SEC22A: variants seen among roughly 807,000 people sequenced by gnomAD.
SEC22A encodes vesicle-trafficking protein SEC22a.
In SEC22A, 22 loss-of-function variants were observed where a neutral mutation model predicts 35.3. That is an observed-to-expected ratio of 0.62 (90% confidence interval 0.45 to 0.89). The LOEUF is 0.89. SEC22A is among the 40% of genes least tolerant of loss of function. The pLI is 0.00. For synonymous variants in SEC22A, 119 were observed against 129.5 expected, an observed-to-expected ratio of 0.92 and a Z score of 0.55; for missense variants, 354 against 362.5, an observed-to-expected ratio of 0.98 and a Z score of 0.19.
intron 6 of SEC22A, among the ~76,000 whole-genome samples, chr3:123,267,905 T>C (rs1938061998): frequency 6.6e-6 from 1 of 152,250 alleles, no homozygotes; most frequent in Non-Finnish European, 1.5e-5. Context: ...TTCTGGCCTC[T>C]GTGGTTTCTG....
chr3:123,205,277 C>T (rs1360572922), intron 1 of SEC22A, among the ~76,000 whole-genome samples: 2 of 152,086 alleles, frequency 1.3e-5, no homozygotes, highest in Non-Finnish European at 2.9e-5. Flanking sequence ...TAATTTTTTC[C>T]CTAAGAAAAA....
At position 123,273,849 on chromosome 3, in the gene SEC22A, T is replaced by C. The variant is rs1938231520; in HGVS notation, c.*2127T>C. The C allele has an allele frequency of 7.3e-6, 1 of 136,986 alleles. No homozygotes were observed. The allele number at this position is 136,986 out of a possible 1,614,324, so 8.5% of individuals were successfully genotyped here. A position where few individuals can be genotyped will look rare whatever the true frequency, so the allele number is the denominator to read the frequency against. Reference sequence around the variant, plus strand: ...TCTAAACTAATGGTTAAAACAGAATTTTCTTGTAAATAGGGAAGTTGGAGC... The same window carrying C: ...TCTAAACTAATGGTTAAAACAGAATCTTCTTGTAAATAGGGAAGTTGGAGC... On this transcript the variant is annotated 3_prime_UTR_variant, in exon 7 of 7. Coordinates refer to ENST00000492595, the MANE Select transcript of SEC22A (RefSeq NM_012430.5).
chr3:123,262,851 T>C (rs1210454474), intron 6 of SEC22A, among the ~76,000 whole-genome samples: 2 of 152,228 alleles, frequency 1.3e-5, no homozygotes, highest in South Asian at 4.1e-4. Context: ...GTTTTTCTAA[T>C]TAAACTTTTT....
intron 2 of SEC22A, among the ~76,000 whole-genome samples, chr3:123,213,781 A>G (rs1052396471): frequency 3.9e-5 from 6 of 152,318 alleles, no homozygotes; most frequent in South Asian, 4.1e-4. Context: ...ATCACTAAGT[A>G]TATAATTATG....
At chr3:123,253,038 C>A (rs557260809) in intron 5 of SEC22A, among the ~76,000 whole-genome samples, 1 of 152,196 alleles carries the variant, frequency 6.6e-6, no homozygotes, top group Admixed American at 6.5e-5. Context: ...CTTTAAGGCT[C>A]AACCTTGAAA....
intron 6 of SEC22A, among the ~76,000 whole-genome samples, chr3:123,259,914 CTT>C (rs1450960108): frequency 6.6e-6 from 1 of 151,924 alleles, no homozygotes; most frequent in African/African-American, 2.4e-5. Context: ...GGGCAGATCA[CTT>C]GAGGTCAGGA....
chr3:123,204,549 C>T (rs1447642584), intron 1 of SEC22A, among the ~76,000 whole-genome samples: 1 of 152,150 alleles, frequency 6.6e-6, no homozygotes, highest in Non-Finnish European at 1.5e-5. Context: ...GTAGTCATTA[C>T]CCCTACAAGG....
intron 6 of SEC22A, among the ~76,000 whole-genome samples, chr3:123,267,579 T>G (rs1026726140): frequency 1.3e-5 from 2 of 152,158 alleles, no homozygotes; most frequent in African/African-American, 4.8e-5. Context: ...GATTTTTTTT[T>G]AACCATCAAA....
In SEC22A at chr3:123,245,861, A is replaced by T. The variant is rs369467599; in HGVS notation, c.542-38A>T. 53 of 1,111,302 alleles carry T rather than the reference A, an allele frequency of 4.8e-5. No individual in the cohort carries two copies. The African/African-American group carries it at 8.0e-4, about 17-fold the overall frequency. 68.8% of individuals were successfully genotyped at this position (1,111,302 alleles called of 1,614,324 possible). A position where few individuals can be genotyped will look rare whatever the true frequency, so the allele number is the denominator to read the frequency against. On this transcript the variant is annotated intron_variant, in intron 4 of 6. Coordinates refer to ENST00000492595, the MANE Select transcript of SEC22A (RefSeq NM_012430.5). ...TTACCTAAGTTCATCTTTGTGAGGT[A>T]TTGGTGTTCATTTCTAACTATTTCT...
intron 2 of SEC22A, 75 bp from the exon 3 acceptor site, chr3:123,223,484 A>C: frequency 8.6e-7 from 1 of 1,158,962 alleles, no homozygotes; most frequent in Non-Finnish European, 1.3e-6. Flanking sequence ...TATGGTGTAT[A>C]GAACCAGTCT....
chr3:123,268,359 C>G (rs1190813025), intron 6 of SEC22A, among the ~76,000 whole-genome samples: 1 of 152,154 alleles, frequency 6.6e-6, no homozygotes, highest in African/African-American at 2.4e-5. Flanking sequence ...AGCTCCAAGT[C>G]TGGGATATAT....
intron 6 of SEC22A, among the ~76,000 whole-genome samples, chr3:123,260,200 G>A (rs1013402767): frequency 1.4e-5 from 2 of 138,454 alleles, no homozygotes; most frequent in Non-Finnish European, 3.0e-5. Flanking sequence ...TGATTATTCA[G>A]CTTCCAGGTT....
intron 4 of SEC22A, among the ~76,000 whole-genome samples, chr3:123,227,733 C>T (rs1018646847): frequency 1.3e-5 from 2 of 152,000 alleles, no homozygotes; most frequent in African/African-American, 4.8e-5. Flanking sequence ...TTTTGAATCA[C>T]GAGGTCAGGA....
At chr3:123,215,251 G>A (rs1937000741) in intron 2 of SEC22A, among the ~76,000 whole-genome samples, 1 of 152,178 alleles carries the variant, frequency 6.6e-6, no homozygotes, top group Non-Finnish European at 1.5e-5. Flanking sequence ...CTTCACAGAT[G>A]TTATCAGGAA....
At chr3:123,265,150 GCATTAA>G (rs1184755515) in intron 6 of SEC22A, among the ~76,000 whole-genome samples, 2 of 152,116 alleles carry the variant, frequency 1.3e-5, no homozygotes, top group African/African-American at 4.8e-5. Flanking sequence ...TAGTATAACA[GCATTAA>G]CATTGTGTTA....
chr3:123,223,296 C>T (rs543680462), intron 2 of SEC22A, among the ~76,000 whole-genome samples: 4 of 152,310 alleles, frequency 2.6e-5, no homozygotes, highest in Admixed American at 6.5e-5. Flanking sequence ...CTGCTTTTTA[C>T]CCCAAGTGAT....
At chr3:123,266,024 G>A (rs1486144704) in intron 6 of SEC22A, among the ~76,000 whole-genome samples, 1 of 152,088 alleles carries the variant, frequency 6.6e-6, no homozygotes, top group African/African-American at 2.4e-5. Context: ...TGAATTTATG[G>A]TAGTTTGTGT....
intron 4 of SEC22A, among the ~76,000 whole-genome samples, chr3:123,234,839 A>G (rs1937387631): frequency 1.3e-5 from 2 of 152,050 alleles, no homozygotes; most frequent in South Asian, 4.2e-4. Context: ...CCTGGGCAAC[A>G]TGGCGAAACC....
In SEC22A at chr3:123,259,616, CACTT is replaced by C. The variant is rs778484832; in HGVS notation, c.723+30_723+33del. 28 of 1,497,760 alleles carry C rather than the reference CACTT, an allele frequency of 1.9e-5. No homozygotes were observed. The African/African-American group carries it at 3.3e-4, about 18-fold the overall frequency. The allele number at this position is 1,497,760 out of a possible 1,614,324, so 92.8% of individuals were successfully genotyped here. On this transcript the variant is annotated intron_variant, in intron 6 of 6. Transcript: ENST00000492595. ...TAGGTTTTCTTCCATTTTAAAGAAACACTTACCATTATTGTTTACTTCGGGTATC... is the reference window on the plus strand; with the variant it reads ...TAGGTTTTCTTCCATTTTAAAGAAACACCATTATTGTTTACTTCGGGTATC...
Sources: allele counts gnomAD v4.1 joint callset (sites outside exome capture counted in the v4.1 genomes callset), GRCh38; gene constraint gnomAD v4.1.1; transcripts MANE v1.5; gene names NCBI Gene and HGNC (gene_info 2026-07-23, HGNC 2026-07-21).